The following ERBB4 variants were observed in gnomAD, a reference collection of about 807,000 sequenced individuals.
The protein encoded by ERBB4 is receptor tyrosine-protein kinase erbB-4.
In ERBB4, 42 loss-of-function variants were observed where a neutral mutation model predicts 158.0. The ratio of observed to expected loss-of-function variants is 0.27; its 90% CI spans 0.21 to 0.34. ERBB4 has a LOEUF of 0.34. ERBB4 is among the 10% of genes least tolerant of loss of function. The pLI, the probability that ERBB4 is intolerant of heterozygous loss-of-function variation, is 1.00. For synonymous variants in ERBB4, 583 were observed against 558.7 expected (o/e 1.04, Z -0.61); for missense variants, 1,333 against 1,624.1 (o/e 0.82, Z 3.08).
At chr2:212,521,442 T>G (rs1692156479) in intron 1 of ERBB4, among the ~76,000 whole-genome samples, 1 of 151,844 alleles carries the variant, frequency 6.6e-6, no homozygotes, top group African/African-American at 2.4e-5. Context: ...GTATCACCTG[T>G]TTATATTCAT....
chr2:212,052,351 G>T (rs943678208), intron 2 of ERBB4, among the ~76,000 whole-genome samples: 1 of 152,148 alleles, frequency 6.6e-6, no homozygotes, highest in African/African-American at 2.4e-5. Context: ...TTGAGATTTT[G>T]GGGCTCAGAC....
chr2:211,493,614 C>T (rs528454425), intron 20 of ERBB4, among the ~76,000 whole-genome samples: 6 of 151,906 alleles, frequency 3.9e-5, no homozygotes, highest in Middle Eastern at 6.9e-3. Flanking sequence ...TTTATGGTTA[C>T]ATTATCTCAT....
intron 1 of ERBB4, among the ~76,000 whole-genome samples, chr2:212,163,204 T>C (rs181813020): frequency 1.1e-3 from 168 of 152,124 alleles, no homozygotes; most frequent in African/African-American, 4.0e-3. Context: ...AAATGCTACC[T>C]ATCTGTGTGT....
At chr2:211,768,358 G>A (rs1009719785) in intron 4 of ERBB4, among the ~76,000 whole-genome samples, 1 of 152,112 alleles carries the variant, frequency 6.6e-6, no homozygotes. Flanking sequence ...CTACCATTCT[G>A]GGGTCCAAAG....
chr2:211,701,391 G>A (rs2073232362), intron 12 of ERBB4, among the ~76,000 whole-genome samples: 1 of 152,064 alleles, frequency 6.6e-6, no homozygotes, highest in Non-Finnish European at 1.5e-5. Flanking sequence ...CTGGGATGCC[G>A]ATTAAACATG....
intron 2 of ERBB4, among the ~76,000 whole-genome samples, chr2:212,056,108 G>T (rs1029913252): frequency 6.6e-6 from 1 of 152,172 alleles, no homozygotes; most frequent in Non-Finnish European, 1.5e-5. Flanking sequence ...TGAAAAACAT[G>T]GCACGAGAAC....
intron 2 of ERBB4, among the ~76,000 whole-genome samples, chr2:212,065,023 GT>G (rs1167036184): frequency 3.8e-4 from 55 of 145,030 alleles, no homozygotes; most frequent in African/African-American, 1.3e-3. Flanking sequence ...GTGTGTGTGT[GT>G]GTGTTGTGTG....
intron 20 of ERBB4, among the ~76,000 whole-genome samples, chr2:211,496,477 C>T (rs544387037): frequency 2.0e-5 from 3 of 151,898 alleles, no homozygotes; most frequent in East Asian, 3.9e-4. Context: ...AACCATTGAT[C>T]GGTACCATAC....
intron 1 of ERBB4, among the ~76,000 whole-genome samples, chr2:212,194,771 T>G (rs2082373073): frequency 6.6e-6 from 1 of 152,016 alleles, no homozygotes; most frequent in African/African-American, 2.4e-5. Context: ...TTTAAGAATT[T>G]CTTATGCAAA....
intron 1 of ERBB4, among the ~76,000 whole-genome samples, chr2:212,283,823 T>C (rs1175595514): frequency 3.9e-5 from 6 of 152,018 alleles, no homozygotes; most frequent in South Asian, 2.1e-4. Flanking sequence ...AGTTGAAAAT[T>C]TGAAGTTTTC....
At chr2:212,149,169 T>A (rs1270001956) in intron 1 of ERBB4, among the ~76,000 whole-genome samples, 1 of 151,182 alleles carries the variant, frequency 6.6e-6, no homozygotes, top group Non-Finnish European at 1.5e-5. Context: ...ATATAATAAT[T>A]AAAAAAAAAT....
At chr2:211,657,866 T>G (rs754685448) in intron 15 of ERBB4, 38 bp from the exon 16 acceptor site, 1 of 1,607,992 alleles carries the variant, frequency 6.2e-7, no homozygotes, top group Non-Finnish European at 8.5e-7. Flanking sequence ...TCATTCTCCA[T>G]CCACAGTGAC....
At chr2:211,998,869 A>G (rs2076035382) in intron 2 of ERBB4, among the ~76,000 whole-genome samples, 1 of 151,932 alleles carries the variant, frequency 6.6e-6, no homozygotes, top group Non-Finnish European at 1.5e-5. Context: ...TACACTGGAA[A>G]GCATTAGAAG....
chr2:211,881,450 T>G lies in ERBB4; in HGVS notation c.421+65980A>C, dbSNP rs146134815. Among the ~76,000 whole-genome samples, 935 of 152,180 alleles carry G rather than the reference T, an allele frequency of 6.1e-3. 11 individuals are homozygous for G. Among genetic ancestry groups the G allele is most frequent in the African/African-American group, 0.021 (868 of 41,508 alleles). On this transcript the variant is annotated intron_variant, in intron 3 of 27. Coordinates refer to ENST00000342788, the MANE Select transcript of ERBB4 (RefSeq NM_005235.3). ...GGGGGAATGCTGGCAGCTGCGCCAATAGAGAAGGACTACCTGAGGGCCAGG... is the reference window on the plus strand; with the variant it reads ...GGGGGAATGCTGGCAGCTGCGCCAAGAGAGAAGGACTACCTGAGGGCCAGG...
At chr2:211,880,421 A>C (rs138390853) in intron 3 of ERBB4, among the ~76,000 whole-genome samples, 50 of 152,230 alleles carry the variant, frequency 3.3e-4, no homozygotes, top group African/African-American at 1.2e-3. Context: ...TTATCCTCCT[A>C]TTATGTCTAT....
intron 19 of ERBB4, among the ~76,000 whole-genome samples, chr2:211,595,683 C>G (rs537412685): frequency 6.6e-6 from 1 of 152,108 alleles, no homozygotes; most frequent in Non-Finnish European, 1.5e-5. Flanking sequence ...TTGACCTGCA[C>G]GGGTCCAATT....
At chr2:212,041,671 T>A (rs968136326) in intron 2 of ERBB4, among the ~76,000 whole-genome samples, 10 of 151,626 alleles carry the variant, frequency 6.6e-5, no homozygotes, top group African/African-American at 2.2e-4. Context: ...TAGTAAATTA[T>A]GAAAAAGGGA....
At chr2:212,081,693 G>C (rs1292128153) in intron 2 of ERBB4, among the ~76,000 whole-genome samples, 4 of 152,104 alleles carry the variant, frequency 2.6e-5, no homozygotes, top group African/African-American at 9.7e-5. Flanking sequence ...GTAGTATTTA[G>C]GGTAATGCTT....
At chr2:211,827,149 T>C (rs1406492891) in intron 3 of ERBB4, among the ~76,000 whole-genome samples, 2 of 151,998 alleles carry the variant, frequency 1.3e-5, no homozygotes, top group Non-Finnish European at 2.9e-5. Context: ...AATGTTAGAC[T>C]CTTACCCTAC....
Sources: allele counts gnomAD v4.1 joint callset (sites outside exome capture counted in the v4.1 genomes callset), GRCh38; gene constraint gnomAD v4.1.1; transcripts MANE v1.5; gene names NCBI Gene and HGNC (gene_info 2026-07-23, HGNC 2026-07-21).